KCNH1: variants seen among roughly 807,000 people sequenced by gnomAD.
KCNH1 encodes voltage-gated delayed rectifier potassium channel KCNH1.
Under a neutral mutation model 69.2 loss-of-function variants are expected in KCNH1, and 27 were observed. The observed-to-expected ratio is 0.39, with a 90% confidence interval of 0.29 to 0.54. KCNH1 has a LOEUF of 0.54. Among genes scored for constraint, KCNH1 ranks in the 20% least tolerant of loss-of-function variants. KCNH1 has a pLI of 0.68. For synonymous variants in KCNH1, 456 were observed against 487.7 expected, an observed-to-expected ratio of 0.93 and a Z score of 0.86; for missense variants, 798 against 1,261.6, an observed-to-expected ratio of 0.63 and a Z score of 5.57.
At chr1:210,743,298 T>C (rs115512587) in intron 10 of KCNH1, among the ~76,000 whole-genome samples, 3,147 of 152,082 alleles carry the variant, frequency 0.021, 106 homozygotes, top group African/African-American at 0.072. Context: ...AAAGAGGCCC[T>C]AGGGTGGGGG....
In KCNH1 at chr1:210,729,904, C is replaced by T. The variant is rs574668827; in HGVS notation, c.2112+45444G>A. 8.5e-5 allele frequency among the ~76,000 whole-genome samples: 13 copies of T among 152,254 alleles called. No individual in the cohort carries two copies. The South Asian group carries it at 2.1e-3, about 24-fold the overall frequency. On this transcript the variant is annotated intron_variant, in intron 10 of 10. Transcript: ENST00000271751. ...CCATATCAGCTTGCTTTGAGACTTA[C>T]TGTATCAATATCCATTGTCTTTTTC... is the stretch of plus-strand genomic sequence containing the variant.
intron 6 of KCNH1, among the ~76,000 whole-genome samples, chr1:210,983,884 T>C (rs1056783787): frequency 2.6e-5 from 4 of 152,254 alleles, no homozygotes; most frequent in Admixed American, 6.5e-5. Flanking sequence ...TTTCGTGATA[T>C]TGATTCTTCC....
chr1:210,717,734 A>G (rs1166165138), intron 10 of KCNH1, among the ~76,000 whole-genome samples: 1 of 152,230 alleles, frequency 6.6e-6, no homozygotes, highest in Admixed American at 6.5e-5. Context: ...AGTGCTGTCC[A>G]AGAGAAATAT....
intron 6 of KCNH1, among the ~76,000 whole-genome samples, chr1:210,983,450 A>G (rs997301439): frequency 3.3e-5 from 5 of 152,174 alleles, no homozygotes; most frequent in Admixed American, 2.0e-4. Flanking sequence ...TTTTTGTGTA[A>G]GGTGTAAGGA....
intron 6 of KCNH1, among the ~76,000 whole-genome samples, chr1:210,993,692 G>A (rs144197989): frequency 2.9e-4 from 44 of 152,264 alleles, no homozygotes; most frequent in East Asian, 1.2e-3. Flanking sequence ...TGGCCATGAC[G>A]TGTTGTTGGC....
At chr1:210,859,140 A>C in intron 7 of KCNH1, 2 of 1,270,738 alleles carry the variant, frequency 1.6e-6, no homozygotes, top group Non-Finnish European at 2.3e-6. Context: ...CAAGCTCTTC[A>C]CTACAATCAC....
intron 6 of KCNH1, among the ~76,000 whole-genome samples, chr1:210,920,443 A>G (rs2102562447): frequency 6.6e-6 from 1 of 152,274 alleles, no homozygotes; most frequent in African/African-American, 2.4e-5. Context: ...AAAAATTTTA[A>G]GGGTTGCATA....
intron 6 of KCNH1, among the ~76,000 whole-genome samples, chr1:210,947,916 C>A (rs180978529): frequency 1.3e-3 from 204 of 151,792 alleles, no homozygotes; most frequent in Admixed American, 3.7e-3. Context: ...CATAATAAAT[C>A]GAGATAATTG....
intron 7 of KCNH1, among the ~76,000 whole-genome samples, chr1:210,865,669 A>T (rs1686092618): frequency 6.6e-6 from 1 of 152,230 alleles, no homozygotes; most frequent in South Asian, 2.1e-4. Context: ...GTATCTCCAG[A>T]TAGAATGGAA....
intron 8 of KCNH1, 114 bp downstream of exon 8, chr1:210,803,853 C>A (rs1016673138): frequency 1.5e-5 from 13 of 890,914 alleles, no homozygotes; most frequent in Non-Finnish European, 2.1e-5. Flanking sequence ...TCCCAAAGTA[C>A]TCAAGTGAAT....
In KCNH1 at chr1:210,782,444, G is replaced by A. The variant is rs1427214297; in HGVS notation, c.1916-6900C>T. On this transcript the variant is annotated intron_variant, in intron 9 of 10. Coordinates refer to ENST00000271751, the MANE Select transcript of KCNH1 (RefSeq NM_172362.3). ...CCTTTATGATTAAGATTAGTGCCCT[G>A]GCCGGGCACAGTAGCTCACACCTGT... 2.6e-5 allele frequency among the ~76,000 whole-genome samples: 4 copies of A among 152,086 alleles called. No individual in the cohort carries two copies. The East Asian group carries it at 7.7e-4, about 29-fold the overall frequency.
intron 5 of KCNH1, among the ~76,000 whole-genome samples, chr1:211,048,592 G>A (rs541507899): frequency 6.6e-6 from 1 of 152,262 alleles, no homozygotes; most frequent in East Asian, 1.9e-4. Flanking sequence ...AGTGACTCAG[G>A]AATGGAAAAC....
In KCNH1 at chr1:211,057,683, CAGAGAGAGAGAGAAAGAA is replaced by C. The variant is rs1690338156; in HGVS notation, c.558+25079_558+25096del. Among the ~76,000 whole-genome samples, 5 of 149,514 alleles carry C rather than the reference CAGAGAGAGAGAGAAAGAA, an allele frequency of 3.3e-5. No individual in the cohort carries two copies. The South Asian group carries it at 1.1e-3, about 32-fold the overall frequency. ...AGAAGAAAACAGAAAACAAAGAAGA[CAGAGAGAGAGAGAAAGAA>C]AGAGAGAGAGAGAGAGACAGACACG... is the stretch of plus-strand genomic sequence containing the variant. On this transcript the variant is annotated intron_variant, in intron 5 of 10. Transcript: ENST00000271751.
At chr1:210,956,799 C>G (rs972867283) in intron 6 of KCNH1, among the ~76,000 whole-genome samples, 1 of 151,866 alleles carries the variant, frequency 6.6e-6, no homozygotes, top group Admixed American at 6.6e-5. Context: ...TGATTCTTCT[C>G]TCTTTTCTTC....
chr1:211,078,343 T>A (rs1194306670), intron 5 of KCNH1, among the ~76,000 whole-genome samples: 1 of 152,176 alleles, frequency 6.6e-6, no homozygotes, highest in East Asian at 1.9e-4. Flanking sequence ...ATCATACTTA[T>A]TCCAAAATTG....
chr1:210,981,770 C>T (rs1398374629), intron 6 of KCNH1, among the ~76,000 whole-genome samples: 2 of 152,204 alleles, frequency 1.3e-5, no homozygotes, highest in Non-Finnish European at 2.9e-5. Flanking sequence ...CAGAATTGTT[C>T]CCTTTGCTGC....
intron 6 of KCNH1, among the ~76,000 whole-genome samples, chr1:210,983,143 T>A (rs1345060143): frequency 6.6e-6 from 1 of 152,194 alleles, no homozygotes; most frequent in Non-Finnish European, 1.5e-5. Flanking sequence ...TAAATTTGTT[T>A]GAGTTCACTG....
At chr1:210,692,238 G>A (rs538929087) in intron 10 of KCNH1, among the ~76,000 whole-genome samples, 1 of 152,294 alleles carries the variant, frequency 6.6e-6, no homozygotes. Context: ...GCAGTAGGTG[G>A]ATTGGACATA....
At chr1:211,034,703 G>C (rs1689861866) in intron 5 of KCNH1, among the ~76,000 whole-genome samples, 1 of 152,090 alleles carries the variant, frequency 6.6e-6, no homozygotes, top group Non-Finnish European at 1.5e-5. Context: ...TATTTTTAAG[G>C]GATCCTGAGT....
Sources: allele counts gnomAD v4.1 joint callset (sites outside exome capture counted in the v4.1 genomes callset), GRCh38; gene constraint gnomAD v4.1.1; transcripts MANE v1.5; gene names NCBI Gene and HGNC (gene_info 2026-07-23, HGNC 2026-07-21).